The following GALNT13 variants were observed in gnomAD, a reference collection of about 807,000 sequenced individuals.
GALNT13 encodes UDP-GalNAc:polypeptide N-acetylgalactosaminyltransferase 13.
GALNT13 carries 28 observed loss-of-function variants against 64.2 expected under a neutral mutation model. That is an observed-to-expected ratio of 0.44 (90% CI 0.32 to 0.60). The LOEUF (loss-of-function observed/expected upper bound fraction) is 0.60. Among genes scored for constraint, GALNT13 ranks in the 20% least tolerant of loss-of-function variants. GALNT13 has a pLI of 0.05. For synonymous variants in GALNT13, 214 were observed against 224.6 expected, an observed-to-expected ratio of 0.95 and a Z score of 0.42; for missense variants, 577 against 669.8, an observed-to-expected ratio of 0.86 and a Z score of 1.53.
At chr2:153,393,551 C>T in the GALNT13 span, among the ~76,000 whole-genome samples, 1 of 152,076 alleles carries the variant, frequency 6.6e-6, no homozygotes, top group East Asian at 1.9e-4. Context: ...GAAGCTTAGA[C>T]AAAACAAATT....
chr2:153,778,211 T>C, the GALNT13 span, among the ~76,000 whole-genome samples: 2 of 152,168 alleles, frequency 1.3e-5, no homozygotes, highest in Non-Finnish European at 2.9e-5. Context: ...TCTGCTGGTG[T>C]GCTCCTCTCG....
the GALNT13 span, among the ~76,000 whole-genome samples, chr2:153,390,296 C>A: frequency 3.7e-3 from 565 of 152,132 alleles, 14 homozygotes; most frequent in East Asian, 0.042. Flanking sequence ...GAACATCACA[C>A]ACCAGGGCCT....
At chr2:154,316,774 G>C (rs902167655) in intron 9 of GALNT13, among the ~76,000 whole-genome samples, 11 of 152,244 alleles carry the variant, frequency 7.2e-5, no homozygotes, top group East Asian at 1.9e-4. Flanking sequence ...TCTAATCATA[G>C]TTACCTCCCA....
intron 3 of GALNT13, among the ~76,000 whole-genome samples, chr2:153,988,967 G>A (rs1694988858): frequency 6.6e-6 from 1 of 151,810 alleles, no homozygotes; most frequent in Admixed American, 6.6e-5. Flanking sequence ...TTAAAAGTGG[G>A]ATAATTTATG....
At chr2:153,369,137 C>A in the GALNT13 span, among the ~76,000 whole-genome samples, 1 of 152,038 alleles carries the variant, frequency 6.6e-6, no homozygotes, top group African/African-American at 2.4e-5. Context: ...TGTAAAAATA[C>A]AACCTATCAA....
At chr2:154,053,829 T>C (rs1699768920) in intron 3 of GALNT13, among the ~76,000 whole-genome samples, 1 of 152,190 alleles carries the variant, frequency 6.6e-6, no homozygotes, top group South Asian at 2.1e-4. Context: ...GTCAATCTTC[T>C]TAATTGTGAA....
intron 2 of GALNT13, among the ~76,000 whole-genome samples, chr2:153,936,162 C>G (rs1690898554): frequency 6.6e-6 from 1 of 152,112 alleles, no homozygotes; most frequent in Non-Finnish European, 1.5e-5. Flanking sequence ...TGTGAAAGAA[C>G]ACAATAAAAA....
At chr2:154,178,995 GCT>G (rs1270471093) in intron 4 of GALNT13, among the ~76,000 whole-genome samples, 1 of 152,138 alleles carries the variant, frequency 6.6e-6, no homozygotes, top group African/African-American at 2.4e-5. Flanking sequence ...GATTTTTAGA[GCT>G]CTCAGTTTTT....
the GALNT13 span, among the ~76,000 whole-genome samples, chr2:153,379,779 A>G: frequency 1.7e-4 from 26 of 152,288 alleles, no homozygotes; most frequent in East Asian, 4.6e-3. Flanking sequence ...ACACTCATTC[A>G]GTAATCATTT....
intron 8 of GALNT13, among the ~76,000 whole-genome samples, chr2:154,260,504 C>T (rs1690638194): frequency 6.6e-6 from 1 of 152,110 alleles, no homozygotes; most frequent in South Asian, 2.1e-4. Context: ...AGCCAGATGT[C>T]TGAGACAAAC....
chr2:153,139,754 G>GA, the GALNT13 span, among the ~76,000 whole-genome samples: 1 of 152,016 alleles, frequency 6.6e-6, no homozygotes, highest in Admixed American at 6.6e-5. Context: ...GGAGAGGGGG[G>GA]ATAATCAGGT....
Position 154,258,071 on chromosome 2 carries a change from A to G in GALNT13, c.858-950A>G, listed in dbSNP as rs368920587. Among the ~76,000 whole-genome samples the G allele has an allele frequency of 7.4e-4, 112 of 152,256 alleles. 1 individual carries two copies. Among genetic ancestry groups the G allele is most frequent in the African/African-American group, 2.2e-3 (90 of 41,566 alleles). On this transcript the variant is annotated intron_variant, in intron 7 of 12. Coordinates refer to ENST00000392825, the MANE Select transcript of GALNT13 (RefSeq NM_052917.4). ...ATACTGCTTTTGTGCTTTGAAGGTTACAAACCACTATATTACAACTAACAT... is the reference window on the plus strand; with the variant it reads ...ATACTGCTTTTGTGCTTTGAAGGTTGCAAACCACTATATTACAACTAACAT...
intron 4 of GALNT13, among the ~76,000 whole-genome samples, chr2:154,161,845 A>G (rs1184043154): frequency 6.6e-6 from 1 of 151,544 alleles, no homozygotes; most frequent in African/African-American, 2.4e-5. Flanking sequence ...CAGTGGAGCG[A>G]TCTCAGCTCA....
At chr2:154,160,569 TA>T (rs955595406) in intron 4 of GALNT13, among the ~76,000 whole-genome samples, 1 of 152,042 alleles carries the variant, frequency 6.6e-6, no homozygotes, top group Admixed American at 6.5e-5. Context: ...CTCCAAACAT[TA>T]AAAAAAACCA....
chr2:153,175,739 T>C, the GALNT13 span, among the ~76,000 whole-genome samples: 1 of 152,112 alleles, frequency 6.6e-6, no homozygotes. Flanking sequence ...TATTTTTAAA[T>C]GTAAGGGAGA....
chr2:153,296,165 A>T, the GALNT13 span, among the ~76,000 whole-genome samples: 1 of 152,192 alleles, frequency 6.6e-6, no homozygotes, highest in South Asian at 2.1e-4. Flanking sequence ...AATCCTGATC[A>T]GCATTAAGAA....
intron 3 of GALNT13, among the ~76,000 whole-genome samples, chr2:154,100,885 C>A (rs778183320): frequency 6.6e-6 from 1 of 151,838 alleles, no homozygotes; most frequent in Admixed American, 6.6e-5. Context: ...TCTTTCCATG[C>A]CTAGTTTGTT....
intron 8 of GALNT13, among the ~76,000 whole-genome samples, chr2:154,291,595 G>A (rs901550514): frequency 2.6e-5 from 4 of 152,208 alleles, no homozygotes; most frequent in Non-Finnish European, 5.9e-5. Context: ...CACGCTGGGT[G>A]CGGGGCCCAC....
chr2:153,218,698 G>A, the GALNT13 span, among the ~76,000 whole-genome samples: 8 of 152,296 alleles, frequency 5.3e-5, no homozygotes, highest in Admixed American at 4.6e-4. Context: ...CTTATAAGTA[G>A]TTGTAAACTT....
Sources: gnomAD v4.1 joint callset for allele counts (sites outside exome capture counted in the v4.1 genomes callset) on GRCh38, gnomAD v4.1.1 for gene constraint, MANE v1.5 for transcripts, NCBI Gene and HGNC (gene_info 2026-07-23, HGNC 2026-07-21) for gene names.